INTS6: variants seen among roughly 807,000 people sequenced by gnomAD.
INTS6 encodes the protein DEAD box protein.
Under a neutral mutation model 104.9 loss-of-function variants are expected in INTS6, and 16 were observed. The ratio of observed to expected loss-of-function variants is 0.15; its 90% CI spans 0.10 to 0.23. INTS6 has a LOEUF of 0.23. Among genes scored for constraint, INTS6 ranks in the 10% least tolerant of loss-of-function variants. The pLI is 1.00. For synonymous variants in INTS6, 324 were observed against 358.7 expected (o/e 0.90, Z 1.09); for missense variants, 584 against 1,062.8 (o/e 0.55, Z 6.26).
At chr13:51,403,361 T>G (rs1048034033) in intron 4 of INTS6, among the ~76,000 whole-genome samples, 4 of 151,848 alleles carry the variant, frequency 2.6e-5, no homozygotes, top group Non-Finnish European at 5.9e-5. Context: ...AGGTCACGGA[T>G]CACGAGGTCA....
At chr13:51,341,309 G>A in the INTS6 span, 3 of 1,611,558 alleles carry the variant, frequency 1.9e-6, no homozygotes. Flanking sequence ...GGGAGCACTG[G>A]TCAGCAGCTG....
At chr13:51,404,433 T>C (rs562029557) in intron 4 of INTS6, among the ~76,000 whole-genome samples, 9 of 152,272 alleles carry the variant, frequency 5.9e-5, no homozygotes, top group African/African-American at 2.2e-4. Context: ...CCTGTGTGTG[T>C]AACCAGTTCA....
At chr13:51,383,886 A>G (rs575339566) in intron 7 of INTS6, 145 bp from the exon 8 acceptor site, 2 of 516,662 alleles carry the variant, frequency 3.9e-6, no homozygotes, top group Non-Finnish European at 6.6e-6. Flanking sequence ...AGCTGAAAGG[A>G]AACACTTGAA....
At position 51,376,111 on chromosome 13, in the gene INTS6, A is replaced by C; in HGVS notation, c.1666T>G (p.Leu556Val). 6.2e-7 allele frequency: 1 copy of C among 1,612,260 alleles called. No homozygotes were observed. The highest frequency in any genetic ancestry group is 8.5e-7 in the Non-Finnish European group (1 of 1,179,208). Residue 556 changes from leucine to valine, a missense_variant, in exon 13 of 18, where the codon TTA (leucine) becomes GTA (valine). Transcript: ENST00000311234. ...AAAAGATTAGATCTCATTCTTGTTA[A>C]GTGATCCAAAAGATTTCGTCTTGGT... ...DIPRRNLLDH[L>V]TRMRSNLLKS...
At chr13:51,347,224 G>A in the INTS6 span, 5 of 1,613,510 alleles carry the variant, frequency 3.1e-6, no homozygotes, top group Non-Finnish European at 4.2e-6. Flanking sequence ...AAACGACCGA[G>A]GTCAACTACG....
At chr13:51,414,761 T>C (rs1200343406) in intron 4 of INTS6, among the ~76,000 whole-genome samples, 1 of 151,998 alleles carries the variant, frequency 6.6e-6, no homozygotes, top group Non-Finnish European at 1.5e-5. Flanking sequence ...AGAAAATATG[T>C]AAGTACTATC....
chr13:51,428,326 CT>C (rs887192550), intron 4 of INTS6, among the ~76,000 whole-genome samples: 3,112 of 134,944 alleles, frequency 0.023, 29 homozygotes, highest in East Asian at 0.069. Context: ...CTTTTTTTTT[CT>C]TTTTTTTTTT....
At chr13:51,355,104 C>T in intron 3 of INTS6, 1 of 1,549,416 alleles carries the variant, frequency 6.5e-7, no homozygotes, top group Non-Finnish European at 8.7e-7. Context: ...AGTCACCGAT[C>T]TTTTTGATCC....
At chr13:51,407,669 AAT>A (rs2138018449) in intron 4 of INTS6, among the ~76,000 whole-genome samples, 1 of 152,274 alleles carries the variant, frequency 6.6e-6, no homozygotes, top group East Asian at 1.9e-4. Flanking sequence ...AAGGTACTAT[AAT>A]AAAGTATGAT....
chr13:51,412,802 A>G (rs1167470499), intron 4 of INTS6, among the ~76,000 whole-genome samples: 3 of 152,246 alleles, frequency 2.0e-5, no homozygotes, highest in Non-Finnish European at 4.4e-5. Context: ...GAACACCAGC[A>G]AATTCATTCA....
chr13:51,385,593 T>C (rs1196651171), intron 7 of INTS6, among the ~76,000 whole-genome samples: 2 of 152,176 alleles, frequency 1.3e-5, no homozygotes, highest in African/African-American at 2.4e-5. Context: ...AGATGGGAAA[T>C]TGAAGCTTAC....
intron 3 of INTS6, chr13:51,449,621 C>T (rs1952993395): frequency 2.0e-6 from 2 of 985,056 alleles, no homozygotes; most frequent in Non-Finnish European, 2.4e-6. Flanking sequence ...TAAAGGTAAC[C>T]AAATAATGGC....
At chr13:51,401,361 G>A (rs1956436184) in intron 4 of INTS6, among the ~76,000 whole-genome samples, 1 of 152,134 alleles carries the variant, frequency 6.6e-6, no homozygotes, top group South Asian at 2.1e-4. Context: ...GAAGGATCAT[G>A]TTCCTGAAGG....
Position 51,362,097 on chromosome 13 carries a change from T to A in INTS6, c.*3655A>T. 1 of 1,505,174 alleles carries A rather than the reference T, an allele frequency of 6.6e-7. No homozygotes were observed. The highest frequency in any genetic ancestry group is 8.8e-7 in the Non-Finnish European group (1 of 1,135,798). 93.2% of individuals were successfully genotyped at this position (1,505,174 alleles called of 1,614,324 possible). ...AAAGGAAACTTATCCTCCATGTTTT[T>A]TACCTTCTCATTCTCTCAGCTCATA... On this transcript the variant is annotated 3_prime_UTR_variant, in exon 18 of 18. Coordinates refer to ENST00000311234, the MANE Select transcript of INTS6 (RefSeq NM_012141.3).
At chr13:51,435,574 AAAG>A (rs1957172394) in intron 3 of INTS6, among the ~76,000 whole-genome samples, 1 of 152,052 alleles carries the variant, frequency 6.6e-6, no homozygotes, top group South Asian at 2.1e-4. Flanking sequence ...GTTATTTTTG[AAAG>A]AAAATGCTTT....
At chr13:51,341,444 C>G in the INTS6 span, 1 of 1,173,614 alleles carries the variant, frequency 8.5e-7, no homozygotes, top group Non-Finnish European at 1.2e-6. Flanking sequence ...CTCACTCTCT[C>G]CAGCTTACCC....
intron 3 of INTS6, among the ~76,000 whole-genome samples, chr13:51,434,725 T>C (rs1957155888): frequency 6.8e-6 from 1 of 146,330 alleles, no homozygotes; most frequent in African/African-American, 2.6e-5. Flanking sequence ...AACATGTAGC[T>C]CCAAGAAAGT....
chr13:51,372,535 C>T (rs1348685578), intron 15 of INTS6, among the ~76,000 whole-genome samples: 1 of 152,096 alleles, frequency 6.6e-6, no homozygotes, highest in East Asian at 1.9e-4. Flanking sequence ...AGGCAGTAAC[C>T]TGCCTCTCAT....
At chr13:51,430,428 GCTTACAAAGTAAAAAGT>G in intron 3 of INTS6, 45 bp from the exon 4 acceptor site, 1 of 1,481,514 alleles carries the variant, frequency 6.7e-7, no homozygotes, top group Non-Finnish European at 9.3e-7. Flanking sequence ...TTAGACTTTG[GCTTACAAAGTAAAAAGT>G]CAATTCTCAG....
Sources: gnomAD v4.1 joint callset for allele counts (sites outside exome capture counted in the v4.1 genomes callset) on GRCh38, gnomAD v4.1.1 for gene constraint, MANE v1.5 for transcripts, NCBI Gene and HGNC (gene_info 2026-07-23, HGNC 2026-07-21) for gene names.